Variants in DPYD observed in about 807,000 individuals in gnomAD.
DPYD encodes dihydropyrimidine dehydrogenase, also known as dihydropyrimidine dehydrogenase [NADP(+)].
A neutral mutation model predicts 116.2 loss-of-function variants in DPYD; 109 were observed. That is an observed-to-expected ratio of 0.94 (90% CI 0.80 to 1.10). DPYD has a LOEUF of 1.10. Ranked by LOEUF, DPYD falls within the 50% of genes least tolerant of loss-of-function variation. The pLI, the probability that DPYD is intolerant of heterozygous loss-of-function variation, is 0.00. For synonymous variants in DPYD, 440 were observed against 432.0 expected (o/e 1.02, Z -0.23); for missense variants, 1,302 against 1,254.5 (o/e 1.04, Z -0.57).
intron 8 of DPYD, among the ~76,000 whole-genome samples, chr1:97,670,688 A>G (rs558036725): frequency 3.3e-5 from 5 of 152,124 alleles, no homozygotes; most frequent in African/African-American, 1.2e-4. Context: ...TTCACTAATA[A>G]CCCCTTCCAG....
chr1:97,770,429 T>G (rs1666080745), intron 3 of DPYD, among the ~76,000 whole-genome samples: 1 of 152,144 alleles, frequency 6.6e-6, no homozygotes, highest in Admixed American at 6.6e-5. Context: ...ACTTTCCATA[T>G]TTTCTTTTCT....
At chr1:97,527,735 T>C (rs1001122573) in intron 12 of DPYD, among the ~76,000 whole-genome samples, 8 of 147,336 alleles carry the variant, frequency 5.4e-5, no homozygotes, top group Admixed American at 2.8e-4. Context: ...GTAACTCACA[T>C]GGTAAGTATA....
intron 10 of DPYD, among the ~76,000 whole-genome samples, chr1:97,574,974 T>C (rs1254741382): frequency 6.6e-6 from 1 of 152,142 alleles, no homozygotes; most frequent in Non-Finnish European, 1.5e-5. Flanking sequence ...ATAAAATAAT[T>C]AACTCAATGC....
At chr1:97,463,287 G>A (rs1677122831) in intron 13 of DPYD, among the ~76,000 whole-genome samples, 1 of 152,148 alleles carries the variant, frequency 6.6e-6, no homozygotes, top group African/African-American at 2.4e-5. Flanking sequence ...CAAGAGATCT[G>A]ATGGTTTTAT....
chr1:97,139,646 G>T (rs931641900), intron 20 of DPYD, among the ~76,000 whole-genome samples: 4 of 152,160 alleles, frequency 2.6e-5, no homozygotes, highest in African/African-American at 7.2e-5. Flanking sequence ...TTATGTTTAC[G>T]AACAACAGAT....
At chr1:97,549,477 T>G (rs531493351) in intron 12 of DPYD, 83 bp downstream of exon 12, 1 of 1,421,660 alleles carries the variant, frequency 7.0e-7, no homozygotes, top group Non-Finnish European at 9.9e-7. Context: ...CAAATAGAAA[T>G]GCTCTTATAG....
At chr1:97,711,026 G>A (rs1396941247) in intron 5 of DPYD, among the ~76,000 whole-genome samples, 1 of 151,810 alleles carries the variant, frequency 6.6e-6, no homozygotes, top group African/African-American at 2.4e-5. Flanking sequence ...GAAGATTAGA[G>A]TCAATGGTGA....
intron 20 of DPYD, among the ~76,000 whole-genome samples, chr1:97,111,737 T>C (rs1005836114): frequency 2.0e-5 from 3 of 152,110 alleles, no homozygotes. Flanking sequence ...TTTACTAATT[T>C]CCAGAACCTT....
chr1:97,364,236 T>C (rs1265464130), intron 16 of DPYD, among the ~76,000 whole-genome samples: 2 of 152,174 alleles, frequency 1.3e-5, no homozygotes, highest in African/African-American at 4.8e-5. Flanking sequence ...GCAACAAAGT[T>C]TTCCATTCAC....
intron 18 of DPYD, among the ~76,000 whole-genome samples, chr1:97,272,427 T>C (rs533717193): frequency 1.3e-5 from 2 of 152,250 alleles, no homozygotes; most frequent in South Asian, 4.1e-4. Context: ...AATACTAAAA[T>C]AGATAACCTT....
chr1:97,309,675 A>C (rs1190911506), intron 16 of DPYD, among the ~76,000 whole-genome samples: 1 of 151,776 alleles, frequency 6.6e-6, no homozygotes, highest in Non-Finnish European at 1.5e-5. Flanking sequence ...CCTGCAACTA[A>C]TCTTATCGGG....
At chr1:97,309,232 C>T (rs537922255) in intron 16 of DPYD, among the ~76,000 whole-genome samples, 9 of 151,746 alleles carry the variant, frequency 5.9e-5, no homozygotes, top group African/African-American at 2.2e-4. Flanking sequence ...TACACAAAAA[C>T]GTCTACGTAG....
intron 3 of DPYD, among the ~76,000 whole-genome samples, chr1:97,742,086 A>G (rs1664300115): frequency 1.3e-5 from 2 of 152,096 alleles, no homozygotes; most frequent in African/African-American, 2.4e-5. Context: ...AAAGAAATGA[A>G]TGTGGAGACA....
In DPYD at chr1:97,824,057, A is replaced by G. The variant is rs368252984; in HGVS notation, c.233+4057T>C. 2.6e-4 allele frequency among the ~76,000 whole-genome samples: 40 copies of G among 152,262 alleles called. No homozygotes were observed. The East Asian group carries it at 7.5e-3, about 29-fold the overall frequency. On this transcript the variant is annotated intron_variant, in intron 3 of 22. Coordinates refer to ENST00000370192, the MANE Select transcript of DPYD (RefSeq NM_000110.4). The stretch of plus-strand genomic sequence containing the variant: ...ATTACAGACACTATTTGTTTTAAAT[A>G]ACACGCAGAAGAACTTAAGAATTTC...
intron 3 of DPYD, among the ~76,000 whole-genome samples, chr1:97,767,661 G>A (rs1665937065): frequency 6.6e-6 from 1 of 150,526 alleles, no homozygotes; most frequent in Non-Finnish European, 1.5e-5. Context: ...AAGATAAGCA[G>A]AACAACCTAC....
At chr1:97,235,036 C>T in intron 18 of DPYD, 42 bp from the exon 19 acceptor site, 1 of 1,609,636 alleles carries the variant, frequency 6.2e-7, no homozygotes, top group Admixed American at 1.7e-5. Context: ...ACACTGACCA[C>T]TTGAGTATAC....
intron 13 of DPYD, among the ~76,000 whole-genome samples, chr1:97,507,812 T>G (rs1367482019): frequency 6.6e-6 from 1 of 152,012 alleles, no homozygotes; most frequent in Non-Finnish European, 1.5e-5. Context: ...TGAAACAAGT[T>G]TCTTGGAATC....
At chr1:97,110,139 G>T (rs1004829403) in intron 20 of DPYD, among the ~76,000 whole-genome samples, 2 of 152,066 alleles carry the variant, frequency 1.3e-5, no homozygotes, top group South Asian at 4.1e-4. Context: ...TTTAGGAAAA[G>T]ATACTGAGGG....
At chr1:97,418,364 G>A (rs1407923287) in intron 14 of DPYD, among the ~76,000 whole-genome samples, 1 of 150,236 alleles carries the variant, frequency 6.7e-6, no homozygotes, top group African/African-American at 2.5e-5. Flanking sequence ...GCAATGGTGC[G>A]ACCTTGGCTC....
Sources: allele counts gnomAD v4.1 joint callset (sites outside exome capture counted in the v4.1 genomes callset), GRCh38; gene constraint gnomAD v4.1.1; transcripts MANE v1.5; gene names NCBI Gene and HGNC (gene_info 2026-07-23, HGNC 2026-07-21).